Variants in MMP16 observed in about 807,000 individuals in gnomAD.
MMP16 encodes matrix metalloproteinase-16.
A neutral mutation model predicts 67.8 loss-of-function variants in MMP16; 12 were observed. That is an observed-to-expected ratio of 0.18 (90% confidence interval 0.11 to 0.29). MMP16 has a LOEUF of 0.29. Among genes scored for constraint, MMP16 ranks in the 10% least tolerant of loss-of-function variants. The pLI is 1.00. For missense variants in MMP16, 475 were observed against 765.7 expected (o/e 0.62, Z 4.48); for synonymous variants, 249 against 255.9 (o/e 0.97, Z 0.26).
At chr8:88,250,256 A>C (rs1474320089) in intron 1 of MMP16, among the ~76,000 whole-genome samples, 1 of 152,048 alleles carries the variant, frequency 6.6e-6, no homozygotes, top group Non-Finnish European at 1.5e-5. Flanking sequence ...TAGCTCCCTA[A>C]ACAGAAACCC....
Position 88,037,161 on chromosome 8 carries a change from C to T in MMP16, c.*4300G>A, listed in dbSNP as rs1015736718. ...TAACATGTAGAACTTGCAAATATGA[C>T]TACCCCTACAATCCAGTTTACACAC... is the stretch of plus-strand genomic sequence containing the variant. On this transcript the variant is annotated 3_prime_UTR_variant, in exon 10 of 10. Coordinates refer to ENST00000286614, the MANE Select transcript of MMP16 (RefSeq NM_005941.5). 4 of 149,846 alleles carry T rather than the reference C, an allele frequency of 2.7e-5. No individual in the cohort carries two copies. The highest frequency in any genetic ancestry group is 9.8e-5 in the African/African-American group (4 of 40,778). The allele number at this position is 149,846 out of a possible 1,614,324, so 9.3% of individuals were successfully genotyped here.
At chr8:88,156,601 A>G (rs1808512396) in intron 4 of MMP16, among the ~76,000 whole-genome samples, 1 of 152,146 alleles carries the variant, frequency 6.6e-6, no homozygotes, top group African/African-American at 2.4e-5. Context: ...GTATGGTTGT[A>G]ATTCTGCAAA....
At chr8:88,100,002 G>A (rs1296325526) in intron 6 of MMP16, among the ~76,000 whole-genome samples, 2 of 151,870 alleles carry the variant, frequency 1.3e-5, no homozygotes, top group Admixed American at 6.6e-5. Context: ...TTTGTCAGAT[G>A]AGTAGATTGC....
chr8:88,086,442 T>C (rs1447589740), intron 6 of MMP16, among the ~76,000 whole-genome samples: 1 of 151,954 alleles, frequency 6.6e-6, no homozygotes, highest in Non-Finnish European at 1.5e-5. Flanking sequence ...CTAACAGTTC[T>C]GGATTCAAAA....
chr8:88,051,348 G>T (rs1279847667), intron 8 of MMP16, among the ~76,000 whole-genome samples: 1 of 152,076 alleles, frequency 6.6e-6, no homozygotes, highest in Non-Finnish European at 1.5e-5. Context: ...CCATTTGGGG[G>T]GTTTAAAATG....
At chr8:88,120,604 T>C (rs1287914120) in intron 4 of MMP16, among the ~76,000 whole-genome samples, 1 of 151,702 alleles carries the variant, frequency 6.6e-6, no homozygotes, top group African/African-American at 2.4e-5. Flanking sequence ...AAAACAAAGA[T>C]TTATCAAGCA....
intron 1 of MMP16, among the ~76,000 whole-genome samples, chr8:88,254,520 A>G (rs898265311): frequency 2.0e-5 from 3 of 151,962 alleles, no homozygotes; most frequent in African/African-American, 7.2e-5. Context: ...CAACATGTTG[A>G]GATTACAGGC....
In MMP16 at chr8:88,143,426, A is replaced by G. The variant is rs1808243275; in HGVS notation, c.709+24243T>C. 5.9e-5 allele frequency among the ~76,000 whole-genome samples: 9 copies of G among 152,218 alleles called. No homozygotes were observed. The South Asian group carries it at 1.9e-3, about 32-fold the overall frequency. On this transcript the variant is annotated intron_variant, in intron 4 of 9. Transcript: ENST00000286614. Reference sequence around the variant, plus strand: ...GAGTTCTACTTGAAGTCCTTCTACTACTTGAGTAAAATCATTGTTTTAGAT... The same window carrying G: ...GAGTTCTACTTGAAGTCCTTCTACTGCTTGAGTAAAATCATTGTTTTAGAT...
At chr8:88,056,621 G>T (rs1808336500) in intron 7 of MMP16, among the ~76,000 whole-genome samples, 1 of 152,038 alleles carries the variant, frequency 6.6e-6, no homozygotes, top group Non-Finnish European at 1.5e-5. Context: ...AGAATTAGAG[G>T]TCCTACGTCT....
chr8:88,094,993 T>G (rs897510271), intron 6 of MMP16, among the ~76,000 whole-genome samples: 6 of 151,844 alleles, frequency 4.0e-5, no homozygotes, highest in South Asian at 2.1e-4. Context: ...AGTTTCCATA[T>G]TATTAATGCA....
At chr8:88,155,464 T>C (rs141374318) in intron 4 of MMP16, among the ~76,000 whole-genome samples, 11 of 152,226 alleles carry the variant, frequency 7.2e-5, no homozygotes, top group African/African-American at 2.6e-4. Flanking sequence ...TTTATTAATT[T>C]TGCAGTGAAT....
chr8:88,233,220 C>G (rs1366499134), intron 1 of MMP16, among the ~76,000 whole-genome samples: 1 of 152,136 alleles, frequency 6.6e-6, no homozygotes, highest in Non-Finnish European at 1.5e-5. Flanking sequence ...ACACTCCACT[C>G]CTTATTTTTT....
chr8:88,146,714 T>C (rs1361662329), intron 4 of MMP16, among the ~76,000 whole-genome samples: 24 of 151,934 alleles, frequency 1.6e-4, no homozygotes, highest in Admixed American at 1.5e-3. Context: ...AAAGCAATTA[T>C]GGCATGAAAA....
intron 1 of MMP16, among the ~76,000 whole-genome samples, chr8:88,231,268 T>C (rs1809855348): frequency 6.6e-6 from 1 of 152,174 alleles, no homozygotes; most frequent in Admixed American, 6.6e-5. Context: ...TTTATCCAAC[T>C]CAAAACTGAG....
intron 1 of MMP16, among the ~76,000 whole-genome samples, chr8:88,243,750 G>T (rs752534827): frequency 6.6e-6 from 1 of 152,140 alleles, no homozygotes; most frequent in Non-Finnish European, 1.5e-5. Flanking sequence ...GGGATCGTTT[G>T]TGCTGCGTGT....
chr8:88,069,190 T>G (rs879901076), intron 7 of MMP16: 54 of 278,762 alleles, frequency 1.9e-4, no homozygotes, highest in Non-Finnish European at 3.4e-4. Context: ...CTCTGACCCA[T>G]GAATGAGGCA....
chr8:88,078,058 C>T (rs1808680039), intron 6 of MMP16, among the ~76,000 whole-genome samples: 1 of 151,944 alleles, frequency 6.6e-6, no homozygotes, highest in South Asian at 2.1e-4. Flanking sequence ...CTTCCTCCTT[C>T]CCTCTCTCCC....
chr8:88,267,969 T>A (rs1810501123), intron 1 of MMP16, among the ~76,000 whole-genome samples: 1 of 151,922 alleles, frequency 6.6e-6, no homozygotes, highest in African/African-American at 2.4e-5. Context: ...AAAGGCTACA[T>A]TTATGCAAGG....
chr8:88,278,133 C>G (rs544020707), intron 1 of MMP16, among the ~76,000 whole-genome samples: 31 of 152,324 alleles, frequency 2.0e-4, no homozygotes, highest in African/African-American at 5.5e-4. Flanking sequence ...TCTGCTCCTC[C>G]TCCTGGTCTC....
Sources: allele counts gnomAD v4.1 joint callset (sites outside exome capture counted in the v4.1 genomes callset), GRCh38; gene constraint gnomAD v4.1.1; transcripts MANE v1.5; gene names NCBI Gene and HGNC (gene_info 2026-07-23, HGNC 2026-07-21).